The following FNBP4 variants were observed in gnomAD, a reference collection of about 807,000 sequenced individuals.
The protein encoded by FNBP4 is formin binding protein 4.
In FNBP4, 34 loss-of-function variants were observed where a neutral mutation model predicts 119.3. The observed-to-expected ratio is 0.28, with a 90% CI of 0.22 to 0.38. FNBP4 has a LOEUF of 0.38. FNBP4 is among the 10% of genes least tolerant of loss of function. FNBP4 has a pLI of 1.00. For synonymous variants in FNBP4, 462 were observed against 430.6 expected, an observed-to-expected ratio of 1.07 and a Z score of -0.90; for missense variants, 1,112 against 1,228.9, an observed-to-expected ratio of 0.90 and a Z score of 1.42.
chr11:47,720,297 G>A (rs1012245381), intron 15 of FNBP4, among the ~76,000 whole-genome samples: 9 of 152,118 alleles, frequency 5.9e-5, no homozygotes, highest in Non-Finnish European at 8.8e-5. Context: ...GGCCAGGCGC[G>A]GTGGCTCAAG....
intron 2 of FNBP4, among the ~76,000 whole-genome samples, chr11:47,760,100 A>C (rs2097630061): frequency 6.6e-6 from 1 of 152,188 alleles, no homozygotes; most frequent in Non-Finnish European, 1.5e-5. Flanking sequence ...CCACAGGCAA[A>C]ATCGGCTCTG....
chr11:47,729,033 G>A (rs948682937), intron 12 of FNBP4: 6 of 354,118 alleles, frequency 1.7e-5, no homozygotes, highest in African/African-American at 1.3e-4. Context: ...TGTACTTTTA[G>A]TAGAGGCAGG....
chr11:47,744,302 C>A, intron 7 of FNBP4, 139 bp from the exon 8 acceptor site: 1 of 743,570 alleles, frequency 1.3e-6, no homozygotes, highest in Non-Finnish European at 2.2e-6. Context: ...GAGACAGGCT[C>A]TCCCTCTGTT....
At position 47,717,479 on chromosome 11, in the gene FNBP4, G is replaced by A; in HGVS notation, c.2997C>T (p.Ala999=). ...GCCTTGCTCTCCAATCCTCAGGAAG[G>A]GCTTCAAAATTAGCATTTCTCTCTG... ...GMAERNANFE[A]LPEDWRARLK... The change falls in exon 17 of 17, where the codon GCC becomes GCT. Residue 999 remains alanine, a synonymous_variant. Transcript: ENST00000263773. 1 of 1,613,100 alleles carries A rather than the reference G, an allele frequency of 6.2e-7. No individual in the cohort carries two copies. Among genetic ancestry groups the A allele is most frequent in the East Asian group, 2.2e-5 (1 of 44,852 alleles).
chr11:47,764,800 G>A (rs1599275073), intron 2 of FNBP4, among the ~76,000 whole-genome samples: 1 of 152,264 alleles, frequency 6.6e-6, no homozygotes, highest in South Asian at 2.1e-4. Flanking sequence ...TTGCGCCAAA[G>A]TCTAAGTGTG....
intron 15 of FNBP4, 26 bp downstream of exon 15, chr11:47,722,950 T>C (rs1279346372): frequency 6.8e-7 from 1 of 1,470,368 alleles, no homozygotes; most frequent in East Asian, 2.5e-5. Context: ...TAAAAATAAA[T>C]TTTTAAAAAG....
At chr11:47,752,846 C>G in intron 4 of FNBP4, 70 bp downstream of exon 4, 1 of 1,246,212 alleles carries the variant, frequency 8.0e-7, no homozygotes, top group Non-Finnish European at 1.1e-6. Context: ...AACAAAAAAC[C>G]AGAAAAGTGA....
intron 8 of FNBP4, among the ~76,000 whole-genome samples, chr11:47,741,741 G>T (rs561159075): frequency 3.9e-5 from 6 of 151,940 alleles, no homozygotes; most frequent in South Asian, 4.1e-4. Context: ...GCTTGAACTC[G>T]GAGGGTGGAG....
At chr11:47,744,324 A>G (rs71475988) in intron 7 of FNBP4, among the ~76,000 whole-genome samples, 161 bp from the exon 8 acceptor site, 195 of 151,884 alleles carry the variant, frequency 1.3e-3, no homozygotes, top group Non-Finnish European at 2.4e-3. Flanking sequence ...CCCAGGTTGG[A>G]GTGCAGTGGC....
chr11:47,748,644 A>T (rs149499410), intron 6 of FNBP4, among the ~76,000 whole-genome samples: 4 of 151,660 alleles, frequency 2.6e-5, no homozygotes, highest in East Asian at 1.9e-4. Flanking sequence ...TTATTATTTT[A>T]TTATTATTAT....
chr11:47,746,878 G>A (rs1197393413), intron 6 of FNBP4, among the ~76,000 whole-genome samples: 1 of 152,132 alleles, frequency 6.6e-6, no homozygotes, highest in Non-Finnish European at 1.5e-5. Flanking sequence ...GACAGACACT[G>A]ACTGAATGAG....
chr11:47,754,098 G>C (rs939343576), intron 3 of FNBP4, among the ~76,000 whole-genome samples: 1 of 151,746 alleles, frequency 6.6e-6, no homozygotes, highest in Non-Finnish European at 1.5e-5. Context: ...CCAGCTACTC[G>C]GGTGCACATA....
chr11:47,742,685 C>G (rs565987178), intron 8 of FNBP4, among the ~76,000 whole-genome samples: 2 of 150,262 alleles, frequency 1.3e-5, no homozygotes, highest in Non-Finnish European at 3.0e-5. Context: ...GTCAGGAGTT[C>G]GAGACCAGCC....
intron 14 of FNBP4, 64 bp from the exon 15 acceptor site, chr11:47,723,380 AAAGAG>A: frequency 6.6e-7 from 1 of 1,524,086 alleles, no homozygotes; most frequent in Non-Finnish European, 8.8e-7. Context: ...GATGCAATGA[AAAGAG>A]AAGTGGGGAT....
At chr11:47,733,138 C>A (rs1257634629) in intron 10 of FNBP4, among the ~76,000 whole-genome samples, 1 of 152,138 alleles carries the variant, frequency 6.6e-6, no homozygotes, top group Non-Finnish European at 1.5e-5. Flanking sequence ...CCCAAGTACG[C>A]AGCAGAGTTC....
rs1003642952 is a variant in FNBP4 at position 47,724,498 on chromosome 11, A to T, written c.2289T>A (p.Pro763=). Residue 763 remains proline, a synonymous_variant, in exon 13 of 17, where the codon CCT becomes CCA. Transcript: ENST00000263773. ...TAGTTACAACTGTGGTTTGTGCTGA[A>T]GGTTTCAAAGGGGTATCTTCCTCTG... is the stretch of plus-strand genomic sequence containing the variant. ...PGTEEDTPLK[P]SAQTTVVTSQ... 2.0e-5 allele frequency: 32 copies of T among 1,614,234 alleles called. No individual in the cohort carries two copies. Among genetic ancestry groups the T allele is most frequent in the Non-Finnish European group, 2.5e-5 (30 of 1,180,036 alleles).
intron 14 of FNBP4, 141 bp downstream of exon 14, chr11:47,723,879 GTTTTTTTT>G: frequency 1.8e-6 from 1 of 558,942 alleles, no homozygotes; most frequent in Non-Finnish European, 2.8e-6. Flanking sequence ...ACTGTCAAAA[GTTTTTTTT>G]TTTTTTTTAA....
chr11:47,739,842 G>C (rs1052227791), intron 8 of FNBP4, among the ~76,000 whole-genome samples: 79 of 152,090 alleles, frequency 5.2e-4, no homozygotes, highest in African/African-American at 1.9e-3. Flanking sequence ...GCAATGGTGC[G>C]ATGTTGGCTC....
intron 14 of FNBP4, 60 bp downstream of exon 14, chr11:47,723,968 T>C (rs2097558384): frequency 6.6e-7 from 1 of 1,510,420 alleles, no homozygotes; most frequent in Middle Eastern, 1.8e-4. Context: ...TTATGGCATC[T>C]AATGCTGAAA....
Sources: gnomAD v4.1 joint callset for allele counts (sites outside exome capture counted in the v4.1 genomes callset) on GRCh38, gnomAD v4.1.1 for gene constraint, MANE v1.5 for transcripts, NCBI Gene and HGNC (gene_info 2026-07-23, HGNC 2026-07-21) for gene names.